Variants in COL11A1 observed in about 807,000 individuals in gnomAD.
COL11A1 encodes collagen type XI alpha 1 chain, also known as collagen alpha-1(XI) chain.
Under a neutral mutation model 265.2 loss-of-function variants are expected in COL11A1, and 74 were observed. The observed-to-expected ratio is 0.28, with a 90% CI of 0.23 to 0.34. The LOEUF is 0.34. Among genes scored for constraint, COL11A1 ranks in the 10% least tolerant of loss-of-function variants. The pLI is 1.00. For synonymous variants in COL11A1, 816 were observed against 727.6 expected, an observed-to-expected ratio of 1.12 and a Z score of -1.96; for missense variants, 2,165 against 2,263.6, an observed-to-expected ratio of 0.96 and a Z score of 0.88.
intron 20 of COL11A1, among the ~76,000 whole-genome samples, chr1:103,003,509 A>G (rs184510272): frequency 4.6e-5 from 7 of 152,302 alleles, no homozygotes; most frequent in African/African-American, 1.4e-4. Context: ...AATATTACAT[A>G]TGAATCACTT....
At chr1:102,979,002 T>C (rs1195752118) in intron 33 of COL11A1, 58 bp downstream of exon 33, 5 of 1,608,460 alleles carry the variant, frequency 3.1e-6, no homozygotes, top group Admixed American at 1.7e-5. Context: ...AAATAAATTA[T>C]CTTGATACAC....
At chr1:102,883,764 T>G (rs1302177554) in intron 63 of COL11A1, among the ~76,000 whole-genome samples, 1 of 152,040 alleles carries the variant, frequency 6.6e-6, no homozygotes, top group African/African-American at 2.4e-5. Flanking sequence ...GGAGGTGATA[T>G]CGTATCTACT....
At chr1:102,934,332 T>C (rs747134509) in intron 46 of COL11A1, 117 bp downstream of exon 46, 1 of 706,862 alleles carries the variant, frequency 1.4e-6, no homozygotes, top group Non-Finnish European at 2.5e-6. Flanking sequence ...TGGATAAACA[T>C]TGTACCCAAG....
chr1:103,051,579 C>T (rs867835243), intron 4 of COL11A1, among the ~76,000 whole-genome samples: 20 of 152,280 alleles, frequency 1.3e-4, no homozygotes, highest in Middle Eastern at 6.8e-3. Flanking sequence ...CGCCTTGCTT[C>T]GGCTTATGCA....
intron 4 of COL11A1, among the ~76,000 whole-genome samples, chr1:103,072,048 G>A (rs1178276113): frequency 1.3e-5 from 2 of 151,392 alleles, no homozygotes; most frequent in African/African-American, 2.4e-5. Context: ...ATTCAAAATC[G>A]GATTTTTGTC....
At position 103,078,824 on chromosome 1, in the gene COL11A1, T is replaced by C. The variant is rs752692524; in HGVS notation, c.322A>G (p.Lys108Glu). ...DFSILFTVKP[K>E]KGIQSFLLSI... ...AAAAGGAAAGACTGAATTCCTTTTTTTGGTTTTACTGTAAATAGTATTGAA... is the reference window on the plus strand; with the variant it reads ...AAAAGGAAAGACTGAATTCCTTTTTCTGGTTTTACTGTAAATAGTATTGAA... Residue 108 changes from lysine (K) to glutamate (E), a missense_variant, in exon 3 of 67, where the codon AAA becomes GAA. Transcript: ENST00000370096. 8 of 1,612,348 alleles carry C rather than the reference T, an allele frequency of 5.0e-6. No individual in the cohort carries two copies. In the Admixed American group the frequency reaches 1.3e-4, roughly 27 times the overall value.
chr1:102,898,519 C>CT (rs1652737222), intron 56 of COL11A1, 147 bp downstream of exon 56: 3 of 612,226 alleles, frequency 4.9e-6, no homozygotes, highest in Non-Finnish European at 8.6e-6. Context: ...TGAAGAATAT[C>CT]TTTTTTACAT....
intron 46 of COL11A1, among the ~76,000 whole-genome samples, chr1:102,933,220 G>A (rs997176623): frequency 5.0e-5 from 7 of 139,540 alleles, no homozygotes; most frequent in Non-Finnish European, 1.1e-4. Flanking sequence ...CATCTTTGTG[G>A]TTTTATCTAC....
chr1:103,016,640 A>T (rs1666591384), intron 11 of COL11A1, among the ~76,000 whole-genome samples: 1 of 151,960 alleles, frequency 6.6e-6, no homozygotes, highest in Non-Finnish European at 1.5e-5. Flanking sequence ...ATATAAAAAA[A>T]TGCAGCAGCA....
intron 46 of COL11A1, 124 bp from the exon 47 acceptor site, chr1:102,923,513 A>G: frequency 1.1e-5 from 8 of 739,522 alleles, no homozygotes; most frequent in Non-Finnish European, 1.6e-5. Flanking sequence ...AGATTCAGAT[A>G]CTAACATTTG....
At chr1:102,881,645 TG>T in intron 65 of COL11A1, 51 bp downstream of exon 65, 1 of 1,354,120 alleles carries the variant, frequency 7.4e-7, no homozygotes, top group Non-Finnish European at 1.1e-6. Context: ...ATAATCAGAA[TG>T]TCACTTCTTG....
chr1:102,996,868 C>T (rs990392813), intron 26 of COL11A1, among the ~76,000 whole-genome samples: 10 of 151,722 alleles, frequency 6.6e-5, no homozygotes, highest in Non-Finnish European at 1.0e-4. Context: ...AAAATATGCA[C>T]GTATTCCTAG....
At chr1:102,961,785 G>A in intron 41 of COL11A1, 81 bp downstream of exon 41, 1 of 1,284,146 alleles carries the variant, frequency 7.8e-7, no homozygotes, top group Non-Finnish European at 1.1e-6. Flanking sequence ...ACACACTGTG[G>A]AATCACAGCA....
chr1:102,933,675 G>A (rs1186474265), intron 46 of COL11A1, among the ~76,000 whole-genome samples: 3 of 152,074 alleles, frequency 2.0e-5, no homozygotes, highest in Non-Finnish European at 4.4e-5. Flanking sequence ...AATGGCGGGC[G>A]CCCCTCCCCC....
chr1:103,038,495 A>G (rs1668554459), intron 4 of COL11A1, among the ~76,000 whole-genome samples: 2 of 152,228 alleles, frequency 1.3e-5, no homozygotes, highest in South Asian at 2.1e-4. Flanking sequence ...CGAGAGAGAG[A>G]GAGAGAAGTA....
intron 4 of COL11A1, among the ~76,000 whole-genome samples, chr1:103,067,884 C>G (rs75815180): frequency 0.034 from 5,224 of 151,510 alleles, 326 homozygotes; most frequent in African/African-American, 0.12. Flanking sequence ...TAAAACTTAA[C>G]ATGATCAACA....
At position 102,977,001 on chromosome 1, in the gene COL11A1, T is replaced by C. The variant is rs560887437; in HGVS notation, c.2754+1707A>G. Among the ~76,000 whole-genome samples the C allele has an allele frequency of 1.1e-4, 17 of 152,290 alleles. No individual in the cohort carries two copies. The South Asian group carries it at 3.1e-3, about 28-fold the overall frequency. ...TTTAATAAAAGTTTATGTATACATA[T>C]ATATATGCATGCCATGTATAACTGT... On this transcript the variant is annotated intron_variant, in intron 35 of 66. Transcript: ENST00000370096.
chr1:102,896,696 G>A (rs1180021177), intron 57 of COL11A1, among the ~76,000 whole-genome samples: 1 of 152,072 alleles, frequency 6.6e-6, no homozygotes, highest in Non-Finnish European at 1.5e-5. Context: ...AAATACAAAA[G>A]TTTGTATGCC....
At chr1:102,997,323 T>A (rs1664725758) in intron 25 of COL11A1, among the ~76,000 whole-genome samples, 199 bp from the exon 26 acceptor site, 1 of 152,020 alleles carries the variant, frequency 6.6e-6, no homozygotes, top group African/African-American at 2.4e-5. Flanking sequence ...GACAAGCTTA[T>A]ATTTGATGGA....
Sources: allele counts gnomAD v4.1 joint callset (sites outside exome capture counted in the v4.1 genomes callset), GRCh38; gene constraint gnomAD v4.1.1; transcripts MANE v1.5; gene names NCBI Gene and HGNC (gene_info 2026-07-23, HGNC 2026-07-21).